The following ANK3 variants were observed in gnomAD, a reference collection of about 807,000 sequenced individuals.
ANK3 encodes ankyrin-3.
In ANK3, 57 loss-of-function variants were observed where a neutral mutation model predicts 370.9. That is an observed-to-expected ratio of 0.15 (90% CI 0.12 to 0.19). The LOEUF is 0.19. Ranked by LOEUF, ANK3 falls within the 10% of genes least tolerant of loss-of-function variation. The pLI, the probability that ANK3 is intolerant of heterozygous loss-of-function variation, is 1.00. For synonymous variants in ANK3, 1,929 were observed against 1,946.3 expected, an observed-to-expected ratio of 0.99 and a Z score of 0.23; for missense variants, 4,439 against 5,302.1, an observed-to-expected ratio of 0.84 and a Z score of 5.06.
At chr10:60,194,329 C>T (rs1457609559) in intron 16 of ANK3, among the ~76,000 whole-genome samples, 1 of 152,120 alleles carries the variant, frequency 6.6e-6, no homozygotes, top group Non-Finnish European at 1.5e-5. Context: ...TCACATTGTT[C>T]TCCAACCATC....
intron 42 of ANK3, among the ~76,000 whole-genome samples, chr10:60,053,442 C>A (rs1037810389): frequency 1.3e-5 from 2 of 152,142 alleles, no homozygotes; most frequent in Non-Finnish European, 2.9e-5. Flanking sequence ...GTGAGGCCAA[C>A]CCCTTACATA....
chr10:60,188,145 A>G lies in ANK3; in HGVS notation c.1888-1233T>C, dbSNP rs191683633. Among the ~76,000 whole-genome samples the G allele has an allele frequency of 4.7e-4, 72 of 152,326 alleles. No individual in the cohort carries two copies. The Middle Eastern group carries it at 0.01, about 22-fold the overall frequency. The stretch of plus-strand genomic sequence containing the variant: ...CTGCCATGTATTAATTACATGAAGA[A>G]AGGAATCCTCAGGTTTTGAATCAAG... On this transcript the variant is annotated intron_variant, in intron 16 of 43. Coordinates refer to ENST00000280772, the MANE Select transcript of ANK3 (RefSeq NM_020987.5).
chr10:60,414,503 C>G (rs541111369), intron 2 of ANK3, among the ~76,000 whole-genome samples: 352 of 151,864 alleles, frequency 2.3e-3, no homozygotes, highest in Non-Finnish European at 4.2e-3. Context: ...TAATTAATTA[C>G]AAAACAAAAA....
chr10:60,071,833 T>C lies in ANK3; in HGVS notation c.9048A>G (p.Lys3016=), dbSNP rs777255231. The C allele has an allele frequency of 6.2e-7, 1 of 1,612,994 alleles. No individual in the cohort carries two copies. Among genetic ancestry groups the C allele is most frequent in the Non-Finnish European group, 8.5e-7 (1 of 1,179,412 alleles). The change falls in exon 37 of 44, where the codon AAA becomes AAG. Residue 3016 remains lysine (K), a synonymous_variant. Coordinates refer to ENST00000280772, the MANE Select transcript of ANK3 (RefSeq NM_020987.5). ...CTTTGCTGATTTCTGAATAGGTAAC[T>C]TTTTCATCTTCTATAGAATTAAAGT... ...TQHFNSIEDE[K]VTYSEISKVS... is the part of the protein sequence containing the mutation.
chr10:60,528,055 C>T (rs1257333010), intron 2 of ANK3, among the ~76,000 whole-genome samples: 1 of 151,004 alleles, frequency 6.6e-6, no homozygotes, highest in Non-Finnish European at 1.5e-5. Context: ...GATCCATAAG[C>T]AAACAAAAAG....
chr10:60,181,936 G>T (rs924713407), intron 17 of ANK3, among the ~76,000 whole-genome samples: 5 of 152,136 alleles, frequency 3.3e-5, no homozygotes, highest in African/African-American at 9.7e-5. Flanking sequence ...ACTCATCACA[G>T]ACTTAGCAAT....
intron 1 of ANK3, among the ~76,000 whole-genome samples, chr10:60,331,090 G>A (rs1006183777): frequency 1.8e-4 from 28 of 152,130 alleles, no homozygotes; most frequent in African/African-American, 6.0e-4. Flanking sequence ...GCACAGGGAG[G>A]GGAACATTAC....
intron 1 of ANK3, among the ~76,000 whole-genome samples, chr10:60,337,536 T>C (rs2053290850): frequency 6.6e-6 from 1 of 152,270 alleles, no homozygotes; most frequent in African/African-American, 2.4e-5. Flanking sequence ...TTAAATTCCA[T>C]GTCTCCTCTT....
chr10:60,530,574 G>A (rs1381633460), intron 2 of ANK3, among the ~76,000 whole-genome samples: 1 of 152,092 alleles, frequency 6.6e-6, no homozygotes, highest in Non-Finnish European at 1.5e-5. Context: ...TTCTGAGAGT[G>A]GGCGCCTCTG....
At chr10:60,106,930 T>A (rs1348519314) in intron 27 of ANK3, among the ~76,000 whole-genome samples, 1 of 152,178 alleles carries the variant, frequency 6.6e-6, no homozygotes, top group Non-Finnish European at 1.5e-5. Context: ...GTAGACAGTA[T>A]CATTATTCTC....
At chr10:60,433,142 C>T (rs567312313) in intron 2 of ANK3, among the ~76,000 whole-genome samples, 1 of 134,508 alleles carries the variant, frequency 7.4e-6, no homozygotes, top group Non-Finnish European at 1.7e-5. Flanking sequence ...AAAAGACATA[C>T]AAAGAACAAC....
At chr10:60,365,255 T>A (rs2059236611) in intron 1 of ANK3, among the ~76,000 whole-genome samples, 1 of 151,898 alleles carries the variant, frequency 6.6e-6, no homozygotes, top group South Asian at 2.1e-4. Context: ...CTAAATGATA[T>A]TCAAGAAATC....
At position 60,072,464 on chromosome 10, in the gene ANK3, G is replaced by C. The variant is rs1205695066; in HGVS notation, c.8417C>G (p.Ser2806Cys). The change falls in exon 37 of 44, where the codon TCT becomes TGT. Residue 2806 changes from serine (S) to cysteine (C), a missense_variant. By Grantham distance (112) the Ser-to-Cys change is moderately radical. Around this residue, in one of 13 missense-constraint regions of ANK3, gnomAD observed 1,601 missense variants for 1,731.7 expected, o/e 0.92. Coordinates refer to ENST00000280772, the MANE Select transcript of ANK3 (RefSeq NM_020987.5). ...SNEIVVNDSG[S>C]DNVKKQRTEM... ...AGTTCTCTGTTTTTTCACATTATCA[G>C]AGCCAGAATCATTTACAACAATTTC... is the stretch of plus-strand genomic sequence containing the variant. 1.9e-6 allele frequency: 3 copies of C among 1,614,012 alleles called. No homozygotes were observed. The highest frequency in any genetic ancestry group is 8.5e-7 in the Non-Finnish European group (1 of 1,180,016).
At chr10:60,494,450 A>G (rs2133128309) in intron 2 of ANK3, among the ~76,000 whole-genome samples, 1 of 152,316 alleles carries the variant, frequency 6.6e-6, no homozygotes, top group East Asian at 1.9e-4. Context: ...ATGTATCTCA[A>G]TTTAGGCATT....
rs112063467 is a variant in ANK3 at position 60,110,459 on chromosome 10, T to C, written c.2949-1405A>G. On this transcript the variant is annotated intron_variant, in intron 26 of 43. Coordinates refer to ENST00000280772, the MANE Select transcript of ANK3 (RefSeq NM_020987.5). ...GTCTCTTACAACATTCTATCGATTT[T>C]GGGAGATTGGGACCACTACGATAAT... Among the ~76,000 whole-genome samples the C allele has an allele frequency of 8.7e-3, 1,325 of 152,290 alleles. 17 individuals carry two copies. Among genetic ancestry groups the C allele is most frequent in the African/African-American group, 0.03 (1,244 of 41,556 alleles).
At chr10:60,463,420 G>T (rs948614186) in intron 2 of ANK3, among the ~76,000 whole-genome samples, 3 of 152,094 alleles carry the variant, frequency 2.0e-5, no homozygotes, top group African/African-American at 4.8e-5. Flanking sequence ...AAAAACAGTG[G>T]CTAGGTCAAG....
At chr10:60,055,543 T>C (rs1400637575) in intron 42 of ANK3, 115 bp downstream of exon 42, 1 of 1,341,608 alleles carries the variant, frequency 7.5e-7, no homozygotes, top group Admixed American at 2.3e-5. Context: ...TTCACACATT[T>C]ATAATTTAGA....
chr10:60,667,184 C>CATATT (rs71467102), intron 1 of ANK3, among the ~76,000 whole-genome samples: 83 of 143,242 alleles, frequency 5.8e-4, no homozygotes, highest in Middle Eastern at 3.7e-3. Context: ...TATATTATAT[C>CATATT]ATATTATATT....
At chr10:60,464,274 T>C (rs1008706067) in intron 2 of ANK3, among the ~76,000 whole-genome samples, 28 of 152,356 alleles carry the variant, frequency 1.8e-4, no homozygotes, top group African/African-American at 6.0e-4. Flanking sequence ...ATTATTGGTT[T>C]TCTTCTCATC....
Sources: allele counts gnomAD v4.1 joint callset (sites outside exome capture counted in the v4.1 genomes callset), GRCh38; gene constraint gnomAD v4.1.1; regional missense constraint gnomAD v4.1.1; transcripts MANE v1.5; gene names NCBI Gene and HGNC (gene_info 2026-07-23, HGNC 2026-07-21).